The following CDKAL1 variants were observed in gnomAD, a reference collection of about 807,000 sequenced individuals.
CDKAL1 encodes the protein CDKAL1 threonylcarbamoyladenosine tRNA methylthiotransferase.
Under a neutral mutation model 68.2 loss-of-function variants are expected in CDKAL1, and 32 were observed. The observed-to-expected ratio is 0.47, with a 90% confidence interval of 0.35 to 0.63. The LOEUF (loss-of-function observed/expected upper bound fraction) is 0.63, where lower values mean the gene tolerates loss of function less well. Ranked by LOEUF, CDKAL1 falls within the 30% of genes least tolerant of loss-of-function variation. The pLI is 0.00. For missense variants in CDKAL1, 606 were observed against 696.7 expected (o/e 0.87, Z 1.47); for synonymous variants, 234 against 244.3 (o/e 0.96, Z 0.39).
At chr6:21,184,976 A>G (rs1482363951) in intron 13 of CDKAL1, among the ~76,000 whole-genome samples, 2 of 151,952 alleles carry the variant, frequency 1.3e-5, no homozygotes, top group African/African-American at 4.8e-5. Context: ...TAAGATTTGA[A>G]TATTCTCAAG....
chr6:20,546,298 T>TA, intron 2 of CDKAL1, 48 bp from the exon 3 acceptor site: 1 of 1,412,152 alleles, frequency 7.1e-7, no homozygotes, highest in Non-Finnish European at 9.8e-7. Flanking sequence ...GATGCTACGC[T>TA]AAGCAGATTT....
At chr6:20,631,565 A>G (rs1767676109) in intron 4 of CDKAL1, among the ~76,000 whole-genome samples, 1 of 152,112 alleles carries the variant, frequency 6.6e-6, no homozygotes, top group Non-Finnish European at 1.5e-5. Flanking sequence ...TTGAGCATCT[A>G]TTTCCCCATA....
intron 8 of CDKAL1, among the ~76,000 whole-genome samples, chr6:20,784,412 C>CTTTTCTTTTTT (rs1775572868): frequency 3.0e-5 from 1 of 33,494 alleles, no homozygotes; most frequent in African/African-American, 1.2e-4. Flanking sequence ...TATTTTATTT[C>CTTTTCTTTTTT]TTTTTTTTTT....
chr6:21,143,850 GCT>G (rs1776037929), intron 13 of CDKAL1, among the ~76,000 whole-genome samples: 1 of 152,168 alleles, frequency 6.6e-6, no homozygotes. Flanking sequence ...AATTGTTGCT[GCT>G]CTCTGTTGAA....
At chr6:20,773,582 C>G (rs941106628) in intron 7 of CDKAL1, among the ~76,000 whole-genome samples, 6 of 151,866 alleles carry the variant, frequency 4.0e-5, no homozygotes, top group African/African-American at 1.5e-4. Context: ...GAGTCTCGCT[C>G]TGTAGCCCAG....
intron 5 of CDKAL1, among the ~76,000 whole-genome samples, chr6:20,659,991 C>G (rs566954023): frequency 1.1e-4 from 17 of 152,186 alleles, no homozygotes; most frequent in African/African-American, 4.1e-4. Context: ...ATATGTTCTT[C>G]CCTTCCTTGG....
chr6:20,738,645 C>T (rs112073851), intron 5 of CDKAL1, among the ~76,000 whole-genome samples: 9,018 of 151,960 alleles, frequency 0.059, 318 homozygotes, highest in African/African-American at 0.1. Flanking sequence ...ACTACAGACA[C>T]GCCCCACCAT....
intron 13 of CDKAL1, among the ~76,000 whole-genome samples, chr6:21,128,138 T>C (rs891152256): frequency 6.6e-6 from 1 of 152,212 alleles, no homozygotes; most frequent in Non-Finnish European, 1.5e-5. Flanking sequence ...GTGGAAACTG[T>C]ACTTGGAGTT....
At chr6:21,133,378 G>A (rs947836690) in intron 13 of CDKAL1, among the ~76,000 whole-genome samples, 6 of 152,156 alleles carry the variant, frequency 3.9e-5, no homozygotes. Context: ...CAGCCCTGGT[G>A]CTCAGGACTC....
intron 5 of CDKAL1, among the ~76,000 whole-genome samples, chr6:20,651,355 TG>T (rs1288065956): frequency 5.9e-5 from 9 of 152,204 alleles, no homozygotes; most frequent in Non-Finnish European, 1.2e-4. Context: ...GCTCTCAGTT[TG>T]TCTATTGTTG....
intron 9 of CDKAL1, among the ~76,000 whole-genome samples, chr6:20,914,989 T>C (rs529975248): frequency 1.3e-5 from 2 of 152,310 alleles, no homozygotes; most frequent in South Asian, 2.1e-4. Context: ...CTCCCTCTTA[T>C]AGAATTTACT....
chr6:21,221,208 T>C (rs1779527568), intron 15 of CDKAL1, among the ~76,000 whole-genome samples: 1 of 152,116 alleles, frequency 6.6e-6, no homozygotes, highest in Non-Finnish European at 1.5e-5. Context: ...AGATAGCTTA[T>C]AATTTTGTAT....
chr6:20,888,502 T>C (rs961885099), intron 9 of CDKAL1, among the ~76,000 whole-genome samples: 3 of 145,442 alleles, frequency 2.1e-5, no homozygotes, highest in South Asian at 2.4e-4. Context: ...GTATATCTCC[T>C]AATGCTATCC....
At chr6:21,125,356 A>G (rs979243654) in intron 13 of CDKAL1, among the ~76,000 whole-genome samples, 15 of 152,274 alleles carry the variant, frequency 9.9e-5, no homozygotes, top group African/African-American at 2.9e-4. Flanking sequence ...CTCCCCAGCC[A>G]TAAGGAACTG....
intron 5 of CDKAL1, among the ~76,000 whole-genome samples, chr6:20,671,691 C>G (rs1020218681): frequency 6.6e-6 from 1 of 151,930 alleles, no homozygotes; most frequent in Non-Finnish European, 1.5e-5. Flanking sequence ...CTCTTTTTAT[C>G]TCTAGAAATG....
chr6:20,778,580 G>A (rs920257395), intron 7 of CDKAL1, among the ~76,000 whole-genome samples: 2 of 152,138 alleles, frequency 1.3e-5, no homozygotes, highest in Non-Finnish European at 2.9e-5. Flanking sequence ...CAAGATCTGC[G>A]TTCAGCAAGC....
intron 13 of CDKAL1, among the ~76,000 whole-genome samples, chr6:21,143,229 A>G (rs1295816964): frequency 6.6e-6 from 1 of 152,246 alleles, no homozygotes; most frequent in Non-Finnish European, 1.5e-5. Context: ...CAGCAATAGC[A>G]TAAGTCAGTA....
intron 8 of CDKAL1, among the ~76,000 whole-genome samples, chr6:20,843,020 T>C (rs77491214): frequency 0.011 from 1,672 of 152,288 alleles, 16 homozygotes; most frequent in Middle Eastern, 0.017. Context: ...CATGAGTGAT[T>C]TTCCGTGGGG....
In CDKAL1 at chr6:20,583,428, T is replaced by A. The variant is rs1056015788; in HGVS notation, c.286+34723T>A. 2.0e-5 allele frequency among the ~76,000 whole-genome samples: 3 copies of A among 152,332 alleles called. No homozygotes were observed. The South Asian group carries it at 6.2e-4, about 32-fold the overall frequency. Reference sequence around the variant, plus strand: ...AATTGACTTTCAGTACATATTGATGTATTTCTGGAATGAATGTTCCTGTGA... The same window carrying A: ...AATTGACTTTCAGTACATATTGATGAATTTCTGGAATGAATGTTCCTGTGA... On this transcript the variant is annotated intron_variant, in intron 4 of 15. Transcript: ENST00000274695.
Sources: allele counts gnomAD v4.1 joint callset (sites outside exome capture counted in the v4.1 genomes callset), GRCh38; gene constraint gnomAD v4.1.1; transcripts MANE v1.5; gene names NCBI Gene and HGNC (gene_info 2026-07-23, HGNC 2026-07-21).